Variants in NLGN1 observed in about 807,000 individuals in gnomAD.
NLGN1 encodes the protein neuroligin-1.
In NLGN1, 12 loss-of-function variants were observed where a neutral mutation model predicts 65.5. The ratio of observed to expected loss-of-function variants is 0.18; its 90% CI spans 0.12 to 0.30. The LOEUF is 0.30. NLGN1 is among the 10% of genes least tolerant of loss of function. The pLI is 1.00. For missense variants in NLGN1, 750 were observed against 1,007.1 expected, an observed-to-expected ratio of 0.74 and a Z score of 3.46; for synonymous variants, 350 against 359.5, an observed-to-expected ratio of 0.97 and a Z score of 0.30.
chr3:173,778,765 G>C (rs1780695074), intron 3 of NLGN1, among the ~76,000 whole-genome samples: 1 of 151,460 alleles, frequency 6.6e-6, no homozygotes, highest in Non-Finnish European at 1.5e-5. Context: ...TTTTTTTTCA[G>C]TAAGTAAATT....
chr3:174,281,223 A>G (rs1577801917), exon 7 of NLGN1: 1 of 1,613,140 alleles, frequency 6.2e-7, no homozygotes, highest in Non-Finnish European at 8.5e-7. Context: ...ACACACATTC[A>G]ATACATTTAC....
At chr3:173,769,727 A>T (rs1329213663) in intron 3 of NLGN1, among the ~76,000 whole-genome samples, 1 of 152,200 alleles carries the variant, frequency 6.6e-6, no homozygotes, top group African/African-American at 2.4e-5. Context: ...GAAGAGTATA[A>T]GGTTGAGTGC....
intron 1 of NLGN1, among the ~76,000 whole-genome samples, chr3:173,401,227 C>T (rs1405531115): frequency 6.6e-6 from 1 of 151,798 alleles, no homozygotes; most frequent in African/African-American, 2.4e-5. Context: ...TAGTGCACCC[C>T]ACCCCCACCT....
At chr3:173,696,086 A>G (rs971945988) in intron 3 of NLGN1, among the ~76,000 whole-genome samples, 1 of 152,214 alleles carries the variant, frequency 6.6e-6, no homozygotes, top group Non-Finnish European at 1.5e-5. Context: ...TGTGAAGATT[A>G]CAAGTGTGAA....
intron 4 of NLGN1, among the ~76,000 whole-genome samples, chr3:174,168,236 A>T (rs1036879902): frequency 1.4e-4 from 21 of 151,864 alleles, no homozygotes; most frequent in African/African-American, 4.8e-4. Flanking sequence ...TTGGTTAGGG[A>T]TCATTGCCAG....
chr3:173,419,762 A>G (rs1281110150), intron 1 of NLGN1, among the ~76,000 whole-genome samples: 1 of 152,098 alleles, frequency 6.6e-6, no homozygotes, highest in African/African-American at 2.4e-5. Flanking sequence ...AGAGGTCAAG[A>G]GATCAAGACC....
At chr3:173,671,207 A>G (rs1330551946) in intron 3 of NLGN1, among the ~76,000 whole-genome samples, 1 of 152,216 alleles carries the variant, frequency 6.6e-6, no homozygotes, top group Non-Finnish European at 1.5e-5. Flanking sequence ...TAATATCAGA[A>G]TTGAATCCCT....
intron 4 of NLGN1, among the ~76,000 whole-genome samples, chr3:173,906,735 C>T (rs1738469709): frequency 6.6e-6 from 1 of 151,740 alleles, no homozygotes; most frequent in African/African-American, 2.4e-5. Flanking sequence ...CCCGTAATTC[C>T]AGCTACTCAA....
intron 4 of NLGN1, among the ~76,000 whole-genome samples, chr3:174,154,885 T>TA (rs1176668754): frequency 8.6e-6 from 1 of 116,260 alleles, no homozygotes; most frequent in Non-Finnish European, 1.7e-5. Context: ...TAGATAGATA[T>TA]AAAGATTTTC....
At chr3:173,865,204 C>T (rs972472163) in intron 4 of NLGN1, among the ~76,000 whole-genome samples, 17 of 151,764 alleles carry the variant, frequency 1.1e-4, no homozygotes, top group African/African-American at 4.1e-4. Context: ...TTGTATTAAT[C>T]CTTTCTTTAG....
At chr3:173,952,744 T>A (rs1277798552) in intron 4 of NLGN1, among the ~76,000 whole-genome samples, 1 of 152,102 alleles carries the variant, frequency 6.6e-6, no homozygotes, top group African/African-American at 2.4e-5. Flanking sequence ...TTTTTTATCT[T>A]ACTACTAGTT....
intron 4 of NLGN1, among the ~76,000 whole-genome samples, chr3:173,816,827 G>A (rs1189199921): frequency 6.6e-6 from 1 of 152,154 alleles, no homozygotes; most frequent in Non-Finnish European, 1.5e-5. Flanking sequence ...TTATCATTCT[G>A]ATTTGGTTTA....
At chr3:174,022,394 T>G (rs1159881008) in intron 4 of NLGN1, among the ~76,000 whole-genome samples, 1 of 151,926 alleles carries the variant, frequency 6.6e-6, no homozygotes. Context: ...GGTAATGAGG[T>G]TCCCATTGCC....
intron 4 of NLGN1, among the ~76,000 whole-genome samples, chr3:174,087,141 G>A (rs1222228755): frequency 6.6e-6 from 1 of 152,056 alleles, no homozygotes; most frequent in Non-Finnish European, 1.5e-5. Context: ...TGGGAGGAGG[G>A]AGATAATCAG....
At position 174,279,458 on chromosome 3, in the gene NLGN1, A is replaced by G; in HGVS notation, c.1457A>G (p.Tyr486Cys). The G allele has an allele frequency of 1.2e-6, 2 of 1,613,288 alleles. No individual in the cohort carries two copies. The highest frequency in any genetic ancestry group is 1.7e-6 in the Non-Finnish European group (2 of 1,179,562). The change falls in exon 6 of 7, where the codon TAT becomes TGT. Residue 486 changes from tyrosine (Y) to cysteine (C), a missense_variant. Coordinates refer to ENST00000457714, the Ensembl canonical transcript of NLGN1. This position sits in a 1 kb window ranked among gnomAD's most constrained non-coding sequence, Gnocchi z 4.7. ...AACTTTGGTTCACCTACGTACTTCT[A>G]TGCCTTTTACCATCATTGCCAAACA...
intron 2 of NLGN1, among the ~76,000 whole-genome samples, chr3:173,537,417 CTG>C (rs1048874374): frequency 5.3e-5 from 8 of 151,774 alleles, no homozygotes; most frequent in Non-Finnish European, 7.4e-5. Flanking sequence ...AACTTAAATA[CTG>C]TGATATAAAG....
chr3:173,407,248 A>C (rs1017948317), intron 1 of NLGN1, among the ~76,000 whole-genome samples: 5 of 152,200 alleles, frequency 3.3e-5, no homozygotes, highest in Admixed American at 3.3e-4. Flanking sequence ...CAAAGGAATC[A>C]TTTATTTCTA....
chr3:173,675,173 AT>A (rs1762955540), intron 3 of NLGN1, among the ~76,000 whole-genome samples: 1 of 152,164 alleles, frequency 6.6e-6, no homozygotes, highest in African/African-American at 2.4e-5. Context: ...AAGGAAAAAA[AT>A]CTTTGTTGAT....
intron 3 of NLGN1, among the ~76,000 whole-genome samples, chr3:173,747,057 TATAC>T (rs71162357): frequency 0.33 from 27,044 of 81,268 alleles, 2,666 homozygotes; most frequent in East Asian, 0.49. Flanking sequence ...AAAAATTATA[TATAC>T]ACACACACAC....
Sources: allele counts gnomAD v4.1 joint callset (sites outside exome capture counted in the v4.1 genomes callset), GRCh38; gene constraint gnomAD v4.1.1; non-coding constraint Gnocchi (gnomAD v3.1); transcripts MANE v1.5; gene names NCBI Gene and HGNC (gene_info 2026-07-23, HGNC 2026-07-21).